The following HMOX2 variants were observed in gnomAD, a reference collection of about 807,000 sequenced individuals.
HMOX2 encodes heme oxygenase (decycling) 2.
Under a neutral mutation model 33.7 loss-of-function variants are expected in HMOX2, and 30 were observed. That is an observed-to-expected ratio of 0.89 (90% CI 0.67 to 1.21). The LOEUF is 1.21. Among genes scored for constraint, HMOX2 ranks in the 50% most tolerant of loss-of-function variants. The pLI is 0.00. For missense variants in HMOX2, 403 were observed against 399.1 expected, an observed-to-expected ratio of 1.01 and a Z score of -0.08; for synonymous variants, 155 against 155.0, an observed-to-expected ratio of 1.00 and a Z score of 0.00.
chr16:4,475,189 G>C (rs540068989), upstream of HMOX2, among the ~76,000 whole-genome samples: 47 of 152,188 alleles, frequency 3.1e-4, no homozygotes, highest in African/African-American at 8.7e-4. Flanking sequence ...CTGACTTAAA[G>C]TGATCCACCC....
At chr16:4,505,667 A>C (rs2058673322) in intron 2 of HMOX2, 57 bp downstream of exon 2, 2 of 1,245,982 alleles carry the variant, frequency 1.6e-6, no homozygotes. Context: ...TGTCGTGCTC[A>C]GCACACCTGG....
intron 1 of HMOX2, among the ~76,000 whole-genome samples, chr16:4,493,058 G>A (rs1288898215): frequency 6.6e-6 from 1 of 151,668 alleles, no homozygotes; most frequent in East Asian, 1.9e-4. Context: ...ACAGAGTCTC[G>A]CTCTGTGGCC....
chr16:4,480,237 G>T (rs148619834), intron 1 of HMOX2, among the ~76,000 whole-genome samples: 1,704 of 151,574 alleles, frequency 0.011, 35 homozygotes, highest in African/African-American at 0.039. Context: ...TGGTAGAGAT[G>T]GGGTTTCGCC....
At chr16:4,487,892 G>C (rs4786505) in intron 1 of HMOX2, among the ~76,000 whole-genome samples, 1 of 149,418 alleles carries the variant, frequency 6.7e-6, no homozygotes. Flanking sequence ...CGGAGGTTGC[G>C]GCGAGGGGAG....
chr16:4,507,684 T>G (rs1376690355), intron 3 of HMOX2, 29 bp from the exon 4 acceptor site: 1 of 1,603,974 alleles, frequency 6.2e-7, no homozygotes, highest in South Asian at 1.1e-5. Context: ...TGCTCAGGCA[T>G]AGCTGGCCTC....
chr16:4,488,407 T>C (rs973875847), intron 1 of HMOX2, among the ~76,000 whole-genome samples: 2 of 152,168 alleles, frequency 1.3e-5, no homozygotes, highest in Admixed American at 6.6e-5. Context: ...TTAATGTGTA[T>C]AGTTGTGGGT....
At chr16:4,495,841 C>G (rs2058404053) in intron 1 of HMOX2, 1 of 152,228 alleles carries the variant, frequency 6.6e-6, no homozygotes, top group Non-Finnish European at 1.5e-5. Context: ...TAGGGATGCT[C>G]TGGAGCCCCT....
At chr16:4,495,497 G>A (rs958164884) in intron 1 of HMOX2, 3 of 152,206 alleles carry the variant, frequency 2.0e-5, no homozygotes, top group Non-Finnish European at 4.4e-5. Context: ...TCATTGTGAA[G>A]AAGCCTAGGA....
chr16:4,501,565 TC>T (rs1293175860), intron 1 of HMOX2, among the ~76,000 whole-genome samples: 1 of 152,218 alleles, frequency 6.6e-6, no homozygotes, highest in Non-Finnish European at 1.5e-5. Flanking sequence ...TATTTTAGGA[TC>T]TTTTTTTCTC....
chr16:4,486,416 A>C (rs1472131542), intron 1 of HMOX2, among the ~76,000 whole-genome samples: 2 of 152,202 alleles, frequency 1.3e-5, no homozygotes, highest in Admixed American at 1.3e-4. Context: ...GGTGAGGCAG[A>C]AGTGTTTGAA....
chr16:4,494,463 G>A (rs1430288573), intron 1 of HMOX2, among the ~76,000 whole-genome samples: 1 of 152,186 alleles, frequency 6.6e-6, no homozygotes, highest in East Asian at 1.9e-4. Flanking sequence ...TAGAAAGCTA[G>A]TGTACATTTT....
intron 1 of HMOX2, among the ~76,000 whole-genome samples, chr16:4,489,868 C>T (rs2058264337): frequency 6.6e-6 from 1 of 152,224 alleles, no homozygotes; most frequent in African/African-American, 2.4e-5. Flanking sequence ...GCCTCAGCCT[C>T]CCAAAGTGTT....
chr16:4,494,372 G>A (rs2058371575), intron 1 of HMOX2, among the ~76,000 whole-genome samples: 1 of 151,928 alleles, frequency 6.6e-6, no homozygotes, highest in Admixed American at 6.6e-5. Flanking sequence ...ACTGGGCAGG[G>A]TAATGCATGG....
At chr16:4,476,122 G>C (rs1323043944), upstream of HMOX2, 1 of 152,224 alleles carries the variant, frequency 6.6e-6, no homozygotes, top group African/African-American at 2.4e-5. Context: ...ACATCACTGA[G>C]TGGATGTACA....
chr16:4,490,961 A>G (rs147123696), intron 1 of HMOX2, among the ~76,000 whole-genome samples: 34 of 152,218 alleles, frequency 2.2e-4, no homozygotes, highest in African/African-American at 8.2e-4. Flanking sequence ...TGTGCGCTAT[A>G]GGACATTGAG....
chr16:4,505,243 T>C (rs537405515), intron 1 of HMOX2, among the ~76,000 whole-genome samples: 23 of 152,360 alleles, frequency 1.5e-4, no homozygotes, highest in African/African-American at 5.3e-4. Context: ...TACAATTATT[T>C]TTAAAAACCA....
chr16:4,480,583 G>C (rs774249965), intron 1 of HMOX2, among the ~76,000 whole-genome samples: 36 of 151,478 alleles, frequency 2.4e-4, no homozygotes, highest in Non-Finnish European at 3.8e-4. Flanking sequence ...GACCTCAAGT[G>C]GTCCACCCAC....
At position 4,501,063 on chromosome 16, in the gene HMOX2, AC is replaced by A. The variant is rs1178968518; in HGVS notation, c.-41-4420del. Reference sequence around the variant, plus strand: ...AAAGAGGACCCAGGAGCTTCCATTGACTAGTTAGTTAATGCAGTGCGGGATC... The same window carrying A: ...AAAGAGGACCCAGGAGCTTCCATTGATAGTTAGTTAATGCAGTGCGGGATC... On this transcript the variant is annotated intron_variant, in intron 1 of 5. Coordinates refer to ENST00000570646, the MANE Select transcript of HMOX2 (RefSeq NM_002134.4). Among the ~76,000 whole-genome samples the A allele has an allele frequency of 2.0e-5, 3 of 152,224 alleles. No individual in the cohort carries two copies. In the East Asian group the frequency reaches 5.8e-4, roughly 29 times the overall value.
rs181314729 is a variant in HMOX2 at position 4,500,615 on chromosome 16, G to T, written c.-41-4869G>T. ...TGTTCCTTTCTGTATGACCAGATGGGAAATGAATTATAATATAGTCCTTAG... is the reference window on the plus strand; with the variant it reads ...TGTTCCTTTCTGTATGACCAGATGGTAAATGAATTATAATATAGTCCTTAG... On this transcript the variant is annotated intron_variant, in intron 1 of 5. Transcript: ENST00000570646. Among the ~76,000 whole-genome samples the T allele has an allele frequency of 1.7e-4, 26 of 152,308 alleles. 1 individual carries two copies. The highest frequency in any genetic ancestry group is 6.0e-4 in the African/African-American group (25 of 41,566).
Sources: gnomAD v4.1 joint callset for allele counts (sites outside exome capture counted in the v4.1 genomes callset) on GRCh38, gnomAD v4.1.1 for gene constraint, MANE v1.5 for transcripts, NCBI Gene and HGNC (gene_info 2026-07-23, HGNC 2026-07-21) for gene names.